Variants in HAGH observed in about 807,000 individuals in gnomAD.
HAGH encodes the protein hydroxyacylglutathione hydrolase, mitochondrial.
In HAGH, 29 loss-of-function variants were observed where a neutral mutation model predicts 35.1. The ratio of observed to expected loss-of-function variants is 0.83; its 90% CI spans 0.62 to 1.13. HAGH has a LOEUF of 1.13. Ranked by LOEUF, HAGH falls within the 50% of genes most tolerant of loss-of-function variation. The pLI is 0.00. For synonymous variants in HAGH, 225 were observed against 176.1 expected, an observed-to-expected ratio of 1.28 and a Z score of -2.20; for missense variants, 478 against 419.6, an observed-to-expected ratio of 1.14 and a Z score of -1.22.
rs1395500653 is a variant in HAGH at position 1,826,757 on chromosome 16, G to A, written c.31C>T (p.Arg11Cys). The change falls in exon 1 of 9, where the codon CGC becomes TGC. Residue 11 changes from arginine (R) to cysteine (C), a missense_variant. Coordinates refer to ENST00000397356, the MANE Select transcript of HAGH (RefSeq NM_005326.6). MVVGRGLLGR[R>C]SLAALGAACA... ...GCGGCTCCCAGCGCGGCGAGGCTGC[G>A]GCGGCCGAGCAGCCCTCGGCCCACC... 22 of 1,205,788 alleles carry A rather than the reference G, an allele frequency of 1.8e-5. No homozygotes were observed. Among genetic ancestry groups the A allele is most frequent in the Admixed American group, 4.4e-5 (1 of 22,544 alleles). 74.7% of individuals were successfully genotyped at this position (1,205,788 alleles called of 1,614,324 possible). A position where few individuals can be genotyped will look rare whatever the true frequency, so the allele number is the denominator to read the frequency against.
chr16:1,817,359 C>G, intron 5 of HAGH, 88 bp from the exon 6 acceptor site: 2 of 860,328 alleles, frequency 2.3e-6, no homozygotes, highest in Non-Finnish European at 2.0e-6. Context: ...TGACACTCAC[C>G]GGCAAGGCCC....
intron 3 of HAGH, chr16:1,821,555 A>T (rs1391035982): frequency 2.0e-5 from 3 of 152,270 alleles, no homozygotes; most frequent in African/African-American, 7.2e-5. Context: ...AGGCAATGCC[A>T]GCCCTAGAAC....
At chr16:1,809,878 G>A (rs957805072) in intron 7 of HAGH, 45 bp from the exon 8 acceptor site, 1 of 1,425,852 alleles carries the variant, frequency 7.0e-7, no homozygotes, top group African/African-American at 1.4e-5. Context: ...TTCACAGGAT[G>A]GCAGACCAGG....
intron 7 of HAGH, among the ~76,000 whole-genome samples, chr16:1,816,133 G>A (rs1280587959): frequency 6.8e-6 from 1 of 147,998 alleles, no homozygotes; most frequent in Non-Finnish European, 1.5e-5. Flanking sequence ...GAACCCGGGA[G>A]GTGCTGGTTG....
chr16:1,822,407 A>C (rs1480713537), intron 2 of HAGH, 43 bp from the exon 3 acceptor site: 1 of 1,465,440 alleles, frequency 6.8e-7, no homozygotes, highest in Admixed American at 1.7e-5. Context: ...TCACACTCCT[A>C]GGCCTGGCTT....
intron 5 of HAGH, chr16:1,818,857 C>T: frequency 2.0e-6 from 1 of 489,104 alleles, no homozygotes; most frequent in Non-Finnish European, 3.7e-6. Flanking sequence ...TCCCGTGGGA[C>T]CCGCCCGGAC....
At chr16:1,827,113 TCGCGAGGTGGAA>T (rs773714274), upstream of HAGH, 47 of 1,382,894 alleles carry the variant, frequency 3.4e-5, no homozygotes, top group Admixed American at 1.3e-4. Flanking sequence ...ACCCGGCAGA[TCGCGAGGTGGAA>T]CGGGCCGTCG....
At chr16:1,816,811 C>T in intron 7 of HAGH, 82 bp downstream of exon 7, 1 of 834,244 alleles carries the variant, frequency 1.2e-6, no homozygotes, top group East Asian at 2.5e-5. Flanking sequence ...GTGTGAGTGT[C>T]TACCCACTCT....
Position 1,809,171 on chromosome 16 carries a change from A to C in HAGH, c.*112T>G. 1 of 714,566 alleles carries C rather than the reference A, an allele frequency of 1.4e-6. No individual in the cohort carries two copies. Among genetic ancestry groups the C allele is most frequent in the Non-Finnish European group, 2.5e-6 (1 of 406,250 alleles). 44.3% of individuals were successfully genotyped at this position (714,566 alleles called of 1,614,324 possible). On this transcript the variant is annotated 3_prime_UTR_variant, in exon 9 of 9. Transcript: ENST00000397356. ...TTAGAATGTCCGATAACACAAGCCA[A>C]GGGCTGTAAAATTAAGGTTAAATCA...
At chr16:1,822,710 A>C (rs902007687) in intron 2 of HAGH, among the ~76,000 whole-genome samples, 155 bp downstream of exon 2, 1 of 152,096 alleles carries the variant, frequency 6.6e-6, no homozygotes, top group Non-Finnish European at 1.5e-5. Flanking sequence ...TCTCGCCTCC[A>C]CCCTTCTTGG....
At chr16:1,827,136 CT>C, upstream of HAGH, 1 of 1,481,464 alleles carries the variant, frequency 6.8e-7, no homozygotes. Context: ...CGGGCCGTCG[CT>C]GCGGGGGACA....
chr16:1,819,789 A>G, intron 4 of HAGH, 108 bp downstream of exon 4: 1 of 750,448 alleles, frequency 1.3e-6, no homozygotes. Flanking sequence ...CACTGAGAGC[A>G]CTCCCGGGTC....
intron 7 of HAGH, among the ~76,000 whole-genome samples, chr16:1,811,083 A>G (rs1024571850): frequency 6.6e-6 from 1 of 152,186 alleles, no homozygotes; most frequent in Non-Finnish European, 1.5e-5. Flanking sequence ...TGTTCTAGCT[A>G]TTTTTCCTAC....
intron 4 of HAGH, among the ~76,000 whole-genome samples, chr16:1,819,484 C>A (rs1331102125): frequency 6.6e-6 from 1 of 152,218 alleles, no homozygotes; most frequent in African/African-American, 2.4e-5. Context: ...GCCAAATCCA[C>A]GCTCGCCGTC....
At chr16:1,826,867 GC>G (rs1898462794), upstream of HAGH, 1 of 859,042 alleles carries the variant, frequency 1.2e-6, no homozygotes, top group African/African-American at 1.8e-5. Flanking sequence ...ATCAGCGCCC[GC>G]CTCGCGCTGC....
intron 4 of HAGH, 24 bp from the exon 5 acceptor site, chr16:1,819,247 T>C: frequency 4.7e-6 from 7 of 1,487,286 alleles, no homozygotes; most frequent in Non-Finnish European, 6.5e-6. Context: ...GGCGACCGCG[T>C]GTGCTCCCAG....
chr16:1,820,142 T>C (rs1320857801), intron 3 of HAGH, 128 bp from the exon 4 acceptor site: 7 of 709,134 alleles, frequency 9.9e-6, no homozygotes, highest in Non-Finnish European at 1.5e-5. Flanking sequence ...GCAACACTTA[T>C]TTTCCACTCA....
intron 5 of HAGH, among the ~76,000 whole-genome samples, chr16:1,817,765 C>T (rs1596926159): frequency 6.6e-6 from 1 of 152,228 alleles, no homozygotes; most frequent in Non-Finnish European, 1.5e-5. Flanking sequence ...CTTCCGGCCT[C>T]GGCCTCAGGA....
rs1317553542 is a variant in HAGH, at chr16:1,819,107, A to G, written c.541+8T>C. 6.4e-7 allele frequency: 1 copy of G among 1,571,946 alleles called. No individual in the cohort carries two copies. The highest frequency in any genetic ancestry group is 8.8e-7 in the Non-Finnish European group (1 of 1,142,510). ...AACCCCCGCCCCCACCCACACTCGA[A>G]CACGCACCTGTGAACACGGCAGGGG... On this transcript the variant is annotated splice_region_variant and intron_variant, in intron 5 of 8. Coordinates refer to ENST00000397356, the MANE Select transcript of HAGH (RefSeq NM_005326.6).
Sources: allele counts gnomAD v4.1 joint callset (sites outside exome capture counted in the v4.1 genomes callset), GRCh38; gene constraint gnomAD v4.1.1; transcripts MANE v1.5; gene names NCBI Gene and HGNC (gene_info 2026-07-23, HGNC 2026-07-21).